The following NRXN3 variants were observed in gnomAD, a reference collection of about 807,000 sequenced individuals.
NRXN3 encodes the protein neurexin 3.
In NRXN3, 32 loss-of-function variants were observed where a neutral mutation model predicts 137.6. The observed-to-expected ratio is 0.23, with a 90% confidence interval of 0.18 to 0.31. NRXN3 has a LOEUF of 0.31. Among genes scored for constraint, NRXN3 ranks in the 10% least tolerant of loss-of-function variants. The pLI, the probability that NRXN3 is intolerant of heterozygous loss-of-function variation, is 1.00. For missense variants in NRXN3, 1,574 were observed against 2,062.5 expected, an observed-to-expected ratio of 0.76 and a Z score of 4.59; for synonymous variants, 798 against 784.5, an observed-to-expected ratio of 1.02 and a Z score of -0.29.
At chr14:78,461,459 C>A (rs748533656) in intron 4 of NRXN3, among the ~76,000 whole-genome samples, 3 of 151,922 alleles carry the variant, frequency 2.0e-5, no homozygotes, top group East Asian at 1.9e-4. Flanking sequence ...TGCAAAGATG[C>A]CTTGGATGAA....
intron 16 of NRXN3, among the ~76,000 whole-genome samples, chr14:79,576,000 C>G (rs2097661197): frequency 6.6e-6 from 1 of 152,154 alleles, no homozygotes. Flanking sequence ...CAGAAACCAG[C>G]AGCAGCAGGT....
At chr14:79,548,736 C>A in intron 16 of NRXN3, among the ~76,000 whole-genome samples, 1 of 114,462 alleles carries the variant, frequency 8.7e-6, no homozygotes, top group African/African-American at 3.0e-5. Flanking sequence ...AGATACAGTA[C>A]ATTTAAAGAT....
intron 15 of NRXN3, among the ~76,000 whole-genome samples, chr14:79,007,084 C>A (rs1199114608): frequency 6.6e-6 from 1 of 151,966 alleles, no homozygotes; most frequent in Non-Finnish European, 1.5e-5. Flanking sequence ...TCCCACCCCC[C>A]AACACACTCA....
At chr14:78,535,249 T>C (rs1352657974) in intron 4 of NRXN3, among the ~76,000 whole-genome samples, 1 of 152,120 alleles carries the variant, frequency 6.6e-6, no homozygotes, top group African/African-American at 2.4e-5. Flanking sequence ...CTCTGTTTAC[T>C]GGGCAAAGTC....
At chr14:78,973,741 C>G (rs892821276) in intron 14 of NRXN3, among the ~76,000 whole-genome samples, 1 of 152,086 alleles carries the variant, frequency 6.6e-6, no homozygotes, top group Admixed American at 6.6e-5. Context: ...CTCAGAATAA[C>G]AAGGGAGGAA....
intron 10 of NRXN3, among the ~76,000 whole-genome samples, chr14:78,887,795 T>C (rs748556203): frequency 4.1e-4 from 62 of 152,052 alleles, no homozygotes; most frequent in Non-Finnish European, 3.2e-4. Context: ...TTCAGGCTCA[T>C]TGGAGAAGGA....
chr14:79,756,576 G>T (rs376721912), intron 19 of NRXN3, among the ~76,000 whole-genome samples: 24 of 152,098 alleles, frequency 1.6e-4, no homozygotes, highest in Admixed American at 3.9e-4. Flanking sequence ...ACCAGAGAAC[G>T]AAATATTAAT....
At chr14:78,668,823 A>G (rs2097909497) in intron 6 of NRXN3, among the ~76,000 whole-genome samples, 1 of 152,200 alleles carries the variant, frequency 6.6e-6, no homozygotes, top group South Asian at 2.1e-4. Flanking sequence ...GAAGAGCAGG[A>G]AGTGAATTGA....
chr14:79,201,802 A>G (rs1356338718), intron 15 of NRXN3, among the ~76,000 whole-genome samples: 1 of 152,260 alleles, frequency 6.6e-6, no homozygotes, highest in Non-Finnish European at 1.5e-5. Context: ...GAATGTTTAC[A>G]TAGCATTGAC....
At chr14:78,327,512 T>C (rs1363287169) in intron 4 of NRXN3, among the ~76,000 whole-genome samples, 1 of 152,226 alleles carries the variant, frequency 6.6e-6, no homozygotes, top group African/African-American at 2.4e-5. Context: ...TTATTATTTA[T>C]AGCTCAAACT....
At chr14:78,799,203 T>A (rs1428008899) in intron 8 of NRXN3, among the ~76,000 whole-genome samples, 1 of 152,216 alleles carries the variant, frequency 6.6e-6, no homozygotes, top group East Asian at 1.9e-4. Context: ...CTTTTAAAAC[T>A]GAATGCTTTT....
At chr14:79,752,453 G>A (rs914166392) in intron 19 of NRXN3, among the ~76,000 whole-genome samples, 2 of 152,094 alleles carry the variant, frequency 1.3e-5, no homozygotes, top group African/African-American at 2.4e-5. Context: ...ACCTGAGAAA[G>A]ACAAGCAATG....
At chr14:78,988,182 G>A (rs778850755) in intron 15 of NRXN3, 41 bp downstream of exon 15, 3 of 1,611,826 alleles carry the variant, frequency 1.9e-6, no homozygotes, top group East Asian at 2.2e-5. Flanking sequence ...TTGTGAAGAT[G>A]TTTGGAGATT....
chr14:78,298,327 G>C (rs1165092331), intron 4 of NRXN3, among the ~76,000 whole-genome samples: 1 of 152,176 alleles, frequency 6.6e-6, no homozygotes, highest in Admixed American at 6.5e-5. Context: ...TGCCCGTAAT[G>C]ATCTGCCTTC....
chr14:79,848,659 T>C (rs2099385519), intron 20 of NRXN3, among the ~76,000 whole-genome samples: 1 of 152,162 alleles, frequency 6.6e-6, no homozygotes, highest in Non-Finnish European at 1.5e-5. Context: ...TGAAACATTT[T>C]CATTCTTCAG....
chr14:79,467,502 G>C, intron 16 of NRXN3, 100 bp downstream of exon 16: 2 of 1,042,756 alleles, frequency 1.9e-6, no homozygotes, highest in Non-Finnish European at 1.3e-6. Flanking sequence ...ATATGGCAAA[G>C]GTGCACATGC....
chr14:78,966,023 A>G lies in NRXN3; in HGVS notation c.2396-2A>G. 1 of 1,609,516 alleles carries G rather than the reference A, an allele frequency of 6.2e-7. No individual in the cohort carries two copies. Among genetic ancestry groups the G allele is most frequent in the Non-Finnish European group, 8.5e-7 (1 of 1,176,928 alleles). ...TTTGTACCTCATTTACAATTTTCAC[A>G]GGTACAATGGTGGGAGACCATACCC... On this transcript the variant is annotated splice_acceptor_variant, in intron 11 of 20. Coordinates refer to ENST00000335750, the MANE Select transcript of NRXN3 (RefSeq NM_001330195.2). LOFTEE classifies it high-confidence loss of function.
At chr14:78,602,745 G>T (rs965388370) in intron 4 of NRXN3, among the ~76,000 whole-genome samples, 1 of 152,162 alleles carries the variant, frequency 6.6e-6, no homozygotes, top group Non-Finnish European at 1.5e-5. Context: ...GGCAGAGAGT[G>T]GTGGCTGGCT....
chr14:79,089,770 T>C (rs903360369), intron 15 of NRXN3, among the ~76,000 whole-genome samples: 4 of 152,160 alleles, frequency 2.6e-5, no homozygotes, highest in Admixed American at 2.6e-4. Flanking sequence ...AGATCTTTCT[T>C]CTTCTGCACA....
Sources: allele counts gnomAD v4.1 joint callset (sites outside exome capture counted in the v4.1 genomes callset), GRCh38; gene constraint gnomAD v4.1.1; transcripts MANE v1.5; gene names NCBI Gene and HGNC (gene_info 2026-07-23, HGNC 2026-07-21).